Variants in BLTP3A observed in about 807,000 individuals in gnomAD.
BLTP3A encodes bridge-like lipid transfer protein family member 3A, also known as ICBP90 binding protein 1.
the BLTP3A span, among the ~76,000 whole-genome samples, chr6:34,820,359 T>C: frequency 3.3e-5 from 5 of 152,126 alleles, no homozygotes; most frequent in South Asian, 8.3e-4. Flanking sequence ...GCTAGACTGC[T>C]CCAGCTCCTT....
chr6:34,803,019 A>C, the BLTP3A span, among the ~76,000 whole-genome samples: 1 of 151,930 alleles, frequency 6.6e-6, no homozygotes, highest in Non-Finnish European at 1.5e-5. Flanking sequence ...TACAAAAAAT[A>C]CAAAAATTAG....
At chr6:34,859,611 TCTC>T in the BLTP3A span, 6 of 1,601,650 alleles carry the variant, frequency 3.7e-6, no homozygotes, top group African/African-American at 5.4e-5. Context: ...CCCATCTCCT[TCTC>T]CTAGTTCTGA....
the BLTP3A span, among the ~76,000 whole-genome samples, chr6:34,802,431 G>A: frequency 6.6e-6 from 1 of 150,618 alleles, no homozygotes; most frequent in East Asian, 2.0e-4. Flanking sequence ...GTGTAATGGT[G>A]CGATCTCGGC....
chr6:34,826,638 G>GTGAGCGA, the BLTP3A span, among the ~76,000 whole-genome samples: 1 of 152,132 alleles, frequency 6.6e-6, no homozygotes, highest in African/African-American at 2.4e-5. Context: ...GATTACAGAC[G>GTGAGCGA]TGAGCGACTG....
chr6:34,863,745 A>C, the BLTP3A span, among the ~76,000 whole-genome samples: 1,290 of 152,284 alleles, frequency 8.5e-3, 19 homozygotes, highest in African/African-American at 0.027. Flanking sequence ...CCTTGAATAA[A>C]CTTGACATTT....
the BLTP3A span, among the ~76,000 whole-genome samples, chr6:34,843,913 G>C: frequency 0.024 from 1,291 of 53,178 alleles, 19 homozygotes; most frequent in African/African-American, 0.19. Flanking sequence ...TTCATTTTTG[G>C]TGTCTTTTGG....
chr6:34,834,633 T>C, the BLTP3A span: 29 of 1,524,724 alleles, frequency 1.9e-5, no homozygotes, highest in East Asian at 6.1e-4. Context: ...TGGGAGTCTC[T>C]GCCTTGCCAG....
the BLTP3A span, chr6:34,856,194 C>T: frequency 1.4e-5 from 22 of 1,586,144 alleles, no homozygotes; most frequent in Admixed American, 1.1e-4. Flanking sequence ...TTGGAACATT[C>T]ATCATGATCT....
the BLTP3A span, among the ~76,000 whole-genome samples, chr6:34,872,157 G>T: frequency 6.6e-6 from 1 of 152,204 alleles, no homozygotes; most frequent in Non-Finnish European, 1.5e-5. Context: ...GAACTATGAA[G>T]AGGGAATCAA....
At chr6:34,866,302 G>A in the BLTP3A span, among the ~76,000 whole-genome samples, 1 of 152,078 alleles carries the variant, frequency 6.6e-6, no homozygotes, top group Admixed American at 6.5e-5. Context: ...TACTCAGAAG[G>A]CTGAGGTGGG....
chr6:34,823,738 T>C, the BLTP3A span, among the ~76,000 whole-genome samples: 2 of 151,138 alleles, frequency 1.3e-5, no homozygotes, highest in African/African-American at 4.9e-5. Flanking sequence ...TCTCACTATG[T>C]TGCCCAGGCT....
At chr6:34,812,757 G>A in the BLTP3A span, among the ~76,000 whole-genome samples, 1 of 152,094 alleles carries the variant, frequency 6.6e-6, no homozygotes, top group East Asian at 1.9e-4. Context: ...CCTGACCAAT[G>A]AAGAAGTTTT....
the BLTP3A span, among the ~76,000 whole-genome samples, chr6:34,845,372 A>T: frequency 2.0e-5 from 3 of 151,984 alleles, no homozygotes; most frequent in African/African-American, 7.2e-5. Flanking sequence ...TTGTGGTTCC[A>T]TGTACATTTT....
chr6:34,876,933 A>G, the BLTP3A span: 3 of 152,284 alleles, frequency 2.0e-5, no homozygotes, highest in Admixed American at 6.5e-5. Flanking sequence ...TATTAAGTTT[A>G]AGCCTTATTC....
At chr6:34,822,841 C>T in the BLTP3A span, among the ~76,000 whole-genome samples, 1 of 149,268 alleles carries the variant, frequency 6.7e-6, no homozygotes, top group African/African-American at 2.5e-5. Flanking sequence ...AAGAGTAAGA[C>T]TCTGTTTCGG....
At chr6:34,841,214 C>T in the BLTP3A span, among the ~76,000 whole-genome samples, 1 of 151,792 alleles carries the variant, frequency 6.6e-6, no homozygotes, top group African/African-American at 2.4e-5. Context: ...TTACAGGCAC[C>T]CACCACCACG....
At chr6:34,869,355 AGTCCCTCTCCTGAACCTCCTTCT>A in the BLTP3A span, among the ~76,000 whole-genome samples, 1 of 152,220 alleles carries the variant, frequency 6.6e-6, no homozygotes, top group Non-Finnish European at 1.5e-5. Context: ...AGTCTCTGGG[AGTCCCTCTCCTGAACCTCCTTCT>A]GTCCCTCACC....
At chr6:34,877,115 G>A in the BLTP3A span, 1 of 152,656 alleles carries the variant, frequency 6.6e-6, no homozygotes, top group African/African-American at 2.4e-5. Context: ...CATTGGCTAA[G>A]TACATGTTTA....
the BLTP3A span, among the ~76,000 whole-genome samples, chr6:34,844,135 C>T: frequency 4.6e-5 from 7 of 152,042 alleles, no homozygotes; most frequent in Non-Finnish European, 8.8e-5. Flanking sequence ...CGCCTGCCAC[C>T]ACGCCCGGCT....
Sources: allele counts gnomAD v4.1 joint callset (sites outside exome capture counted in the v4.1 genomes callset), GRCh38; gene constraint gnomAD v4.1.1; transcripts MANE v1.5; gene names NCBI Gene and HGNC (gene_info 2026-07-23, HGNC 2026-07-21).